The following DCC variants were observed in gnomAD, a reference collection of about 807,000 sequenced individuals.
DCC encodes netrin receptor DCC.
In DCC, 58 loss-of-function variants were observed where a neutral mutation model predicts 172.5. The ratio of observed to expected loss-of-function variants is 0.34; its 90% CI spans 0.27 to 0.42. The LOEUF is 0.42. Among genes scored for constraint, DCC ranks in the 10% least tolerant of loss-of-function variants. The probability of loss-of-function intolerance (pLI) is 1.00; values close to 1 mark genes in which losing one functional copy is unlikely to be tolerated. For missense variants in DCC, 1,740 were observed against 1,791.0 expected (o/e 0.97, Z 0.51); for synonymous variants, 709 against 644.5 (o/e 1.10, Z -1.52).
At chr18:52,943,586 G>C (rs1598955289) in intron 5 of DCC, among the ~76,000 whole-genome samples, 1 of 152,038 alleles carries the variant, frequency 6.6e-6, no homozygotes, top group African/African-American at 2.4e-5. Context: ...TTTACACAAG[G>C]ACCATATGTA....
chr18:53,169,720 A>G (rs971030139), intron 8 of DCC, among the ~76,000 whole-genome samples: 2 of 152,088 alleles, frequency 1.3e-5, no homozygotes, highest in African/African-American at 4.8e-5. Context: ...CTTCCACAGG[A>G]GTTGTTAACG....
Position 53,390,266 on chromosome 18 carries a change from C to CCTT in DCC, c.2456-1389_2456-1388insCTT, listed in dbSNP as rs34412320. ...CTCTTTCTCTTTCTCTCTCTCTCTC[C>CCTT]TTTTATTTTTGTTTTTGTTTTCAGT... On this transcript the variant is annotated intron_variant, in intron 16 of 28. Transcript: ENST00000442544. Among the ~76,000 whole-genome samples the CCTT allele has an allele frequency of 9.0e-3, 1,272 of 140,808 alleles. 7 individuals carry two copies. The highest frequency in any genetic ancestry group is 0.015 in the Non-Finnish European group (970 of 63,360). The allele number at this position is 140,808 out of a possible 152,430, so 92.4% of individuals were successfully genotyped here.
intron 1 of DCC, among the ~76,000 whole-genome samples, chr18:52,646,869 T>A (rs2035029034): frequency 6.6e-6 from 1 of 152,148 alleles, no homozygotes; most frequent in African/African-American, 2.4e-5. Context: ...AATCACTGGG[T>A]GGAGCTGAAA....
At chr18:53,048,486 GGTTTGTGT>G (rs1434384329) in intron 5 of DCC, among the ~76,000 whole-genome samples, 1 of 111,666 alleles carries the variant, frequency 9.0e-6, no homozygotes, top group African/African-American at 4.5e-5. Context: ...AATACTCCAT[GGTTTGTGT>G]GTGTGTGTGT....
At chr18:52,534,425 C>T (rs1209970082) in intron 1 of DCC, among the ~76,000 whole-genome samples, 1 of 152,092 alleles carries the variant, frequency 6.6e-6, no homozygotes, top group African/African-American at 2.4e-5. Flanking sequence ...GCTTCCTTAC[C>T]TGTCATTAGA....
At chr18:53,042,807 C>T (rs554684950) in intron 5 of DCC, among the ~76,000 whole-genome samples, 11 of 151,946 alleles carry the variant, frequency 7.2e-5, no homozygotes, top group African/African-American at 2.7e-4. Flanking sequence ...AGTCAGGAAA[C>T]AACATATGCT....
At chr18:53,470,892 T>G (rs938818840) in intron 25 of DCC, among the ~76,000 whole-genome samples, 1 of 152,190 alleles carries the variant, frequency 6.6e-6, no homozygotes. Context: ...GAGATGAGAT[T>G]TGGGTGGGGA....
At chr18:53,122,487 GAA>G (rs543891013) in intron 7 of DCC, among the ~76,000 whole-genome samples, 47 of 151,984 alleles carry the variant, frequency 3.1e-4, no homozygotes, top group Non-Finnish European at 6.2e-4. Context: ...TTTTAATGGA[GAA>G]CATAAAGTTT....
At chr18:52,755,447 A>G (rs2037063044) in intron 2 of DCC, among the ~76,000 whole-genome samples, 1 of 152,206 alleles carries the variant, frequency 6.6e-6, no homozygotes, top group Non-Finnish European at 1.5e-5. Context: ...ACACGGATTC[A>G]GTCACTGAGT....
chr18:53,298,314 T>A (rs939735644), intron 12 of DCC, among the ~76,000 whole-genome samples: 2 of 151,736 alleles, frequency 1.3e-5, no homozygotes, highest in Admixed American at 1.3e-4. Context: ...AGCGGGTGGA[T>A]CCTTTGAGCC....
intron 3 of DCC, among the ~76,000 whole-genome samples, chr18:52,921,210 A>G (rs1486927291): frequency 6.6e-6 from 1 of 152,210 alleles, no homozygotes; most frequent in Non-Finnish European, 1.5e-5. Context: ...TGGTTCATGA[A>G]TTAAAACAAC....
chr18:53,521,103 T>C (rs2046394292), intron 27 of DCC, among the ~76,000 whole-genome samples: 2 of 152,098 alleles, frequency 1.3e-5, no homozygotes, highest in East Asian at 3.9e-4. Flanking sequence ...TCTAAATTTC[T>C]GTGATTCTAT....
chr18:53,153,122 G>T lies in DCC; in HGVS notation c.1262-4234G>T, dbSNP rs1451290937. Among the ~76,000 whole-genome samples, 4 of 152,134 alleles carry T rather than the reference G, an allele frequency of 2.6e-5. 1 individual carries two copies. Among genetic ancestry groups the T allele is most frequent in the Non-Finnish European group, 5.9e-5 (4 of 68,026 alleles). ...GAGTGAGATGCTCTTGGAGGAAAAA[G>T]ATTGGAAAACTTCCCTCTTGTTCGT... On this transcript the variant is annotated intron_variant, in intron 7 of 28. Transcript: ENST00000442544.
At chr18:53,264,027 G>A (rs2056637252) in intron 12 of DCC, among the ~76,000 whole-genome samples, 1 of 152,054 alleles carries the variant, frequency 6.6e-6, no homozygotes, top group Non-Finnish European at 1.5e-5. Flanking sequence ...AATATATTAG[G>A]AAAATTCTTT....
At chr18:52,799,333 T>A (rs1180940460) in intron 2 of DCC, among the ~76,000 whole-genome samples, 1 of 152,206 alleles carries the variant, frequency 6.6e-6, no homozygotes, top group Non-Finnish European at 1.5e-5. Context: ...CTCCTCATTT[T>A]ATAAAAAGGA....
Position 53,174,136 on chromosome 18 carries a change from A to AC in DCC, c.1419-4825dup, listed in dbSNP as rs2055054218. On this transcript the variant is annotated intron_variant, in intron 8 of 28. Coordinates refer to ENST00000442544, the MANE Select transcript of DCC (RefSeq NM_005215.4). ...AAGATGTTCTTTGAAACCAACGAGA[A>AC]CAAGGACACAACATACCAGAATCTC... Among the ~76,000 whole-genome samples, 4 of 145,564 alleles carry AC rather than the reference A, an allele frequency of 2.7e-5. No homozygotes were observed. In the South Asian group the frequency reaches 9.5e-4, roughly 35 times the overall value.
At chr18:53,111,077 T>G (rs1165696742) in intron 7 of DCC, among the ~76,000 whole-genome samples, 3 of 148,210 alleles carry the variant, frequency 2.0e-5, no homozygotes, top group South Asian at 2.2e-4. Context: ...CCATAAAAAA[T>G]GATGAGTTCA....
intron 12 of DCC, among the ~76,000 whole-genome samples, chr18:53,223,038 G>A (rs1001050117): frequency 6.6e-6 from 1 of 151,924 alleles, no homozygotes; most frequent in Non-Finnish European, 1.5e-5. Flanking sequence ...TAGTTATAAA[G>A]GACATTTATG....
rs78291516 is a variant in DCC, at chr18:52,652,478, C to T, written c.92-99576C>T. Among the ~76,000 whole-genome samples the T allele has an allele frequency of 1.2e-3, 184 of 152,174 alleles. 2 individuals are homozygous for T. In the East Asian group the frequency reaches 0.025, roughly 20 times the overall value. On this transcript the variant is annotated intron_variant, in intron 1 of 28. Coordinates refer to ENST00000442544, the MANE Select transcript of DCC (RefSeq NM_005215.4). ...CCTTCAATAACTTCAAGGAATCAAA[C>T]GAGTCATGCTCTTTTTAAGACAAGG...
Sources: allele counts gnomAD v4.1 joint callset (sites outside exome capture counted in the v4.1 genomes callset), GRCh38; gene constraint gnomAD v4.1.1; transcripts MANE v1.5; gene names NCBI Gene and HGNC (gene_info 2026-07-23, HGNC 2026-07-21).